C13orf42: variants seen among roughly 807,000 people sequenced by gnomAD.
The protein encoded by C13orf42 is chromosome 13 open reading frame 42.
At chr13:51,136,020 C>T (rs1953655016) in intron 1 of C13orf42, among the ~76,000 whole-genome samples, 1 of 152,170 alleles carries the variant, frequency 6.6e-6, no homozygotes, top group South Asian at 2.1e-4. Flanking sequence ...GTGACCTCCA[C>T]CCCTAGGGGC....
At chr13:51,109,000 C>G (rs1371396230) in intron 1 of C13orf42, among the ~76,000 whole-genome samples, 4 of 152,140 alleles carry the variant, frequency 2.6e-5, no homozygotes, top group African/African-American at 9.7e-5. Flanking sequence ...AATGTAGTAC[C>G]TAGAGGAAAT....
intron 1 of C13orf42, among the ~76,000 whole-genome samples, chr13:51,108,515 A>C (rs1381047893): frequency 6.6e-6 from 1 of 152,216 alleles, no homozygotes; most frequent in Non-Finnish European, 1.5e-5. Flanking sequence ...CAGGCCCAGC[A>C]TACAGCTGTT....
At chr13:51,132,389 C>T (rs569607633) in intron 1 of C13orf42, among the ~76,000 whole-genome samples, 20 of 151,308 alleles carry the variant, frequency 1.3e-4, no homozygotes, top group South Asian at 2.1e-4. Flanking sequence ...GCCAGGATCG[C>T]GCCACTGCAA....
chr13:51,084,652 G>C lies in C13orf42; in HGVS notation c.804-327C>G, dbSNP rs181097632. ...TTTAGTGGCTTTTGTAGAAGCAAAG[G>C]AAGACAGCTGATGAGGCTTGACAGG... On this transcript the variant is annotated intron_variant, in intron 3 of 3. Transcript: ENST00000563710. 3.6e-3 allele frequency among the ~76,000 whole-genome samples: 550 copies of C among 152,372 alleles called. 5 individuals are homozygous for C. The highest frequency in any genetic ancestry group is 0.017 in the East Asian group (89 of 5,182).
intron 1 of C13orf42, among the ~76,000 whole-genome samples, chr13:51,170,842 C>G (rs540937597): frequency 6.6e-6 from 1 of 151,972 alleles, no homozygotes; most frequent in Admixed American, 6.5e-5. Flanking sequence ...TGGCAAGTCC[C>G]GCTTTCCTGG....
At chr13:51,142,989 T>A (rs1025256036) in intron 1 of C13orf42, among the ~76,000 whole-genome samples, 1 of 152,186 alleles carries the variant, frequency 6.6e-6, no homozygotes, top group Non-Finnish European at 1.5e-5. Flanking sequence ...GTCATATTGT[T>A]ATTAAGTTTT....
intron 1 of C13orf42, among the ~76,000 whole-genome samples, chr13:51,129,600 T>C (rs1953600377): frequency 6.6e-6 from 1 of 152,206 alleles, no homozygotes; most frequent in African/African-American, 2.4e-5. Context: ...CCACAGACAA[T>C]GCTTTTCTCC....
At chr13:51,160,960 C>CAAG (rs1777775502) in intron 1 of C13orf42, among the ~76,000 whole-genome samples, 1 of 68,522 alleles carries the variant, frequency 1.5e-5, no homozygotes, top group Non-Finnish European at 3.3e-5. Context: ...AGATTGGAAA[C>CAAG]AAGAAAAAAA....
chr13:51,129,116 C>G (rs1953596539), intron 1 of C13orf42, among the ~76,000 whole-genome samples: 1 of 152,208 alleles, frequency 6.6e-6, no homozygotes, highest in Non-Finnish European at 1.5e-5. Flanking sequence ...TTACTCAAAG[C>G]TTCTGTTGTT....
At chr13:51,131,105 G>A (rs529803744) in intron 1 of C13orf42, among the ~76,000 whole-genome samples, 2 of 152,100 alleles carry the variant, frequency 1.3e-5, no homozygotes, top group African/African-American at 4.8e-5. Context: ...GCTTAAAACC[G>A]TGCTGATCCT....
At chr13:51,150,578 A>G (rs1470182314) in intron 1 of C13orf42, among the ~76,000 whole-genome samples, 1 of 152,186 alleles carries the variant, frequency 6.6e-6, no homozygotes, top group Non-Finnish European at 1.5e-5. Context: ...TTCTACAAAC[A>G]TTTTTCAAGA....
chr13:51,089,328 C>G (rs1050843525), intron 1 of C13orf42, among the ~76,000 whole-genome samples: 4 of 152,052 alleles, frequency 2.6e-5, no homozygotes, highest in African/African-American at 9.7e-5. Flanking sequence ...GTTGAAGGAC[C>G]ACAATATACA....
intron 1 of C13orf42, among the ~76,000 whole-genome samples, chr13:51,148,770 AG>A (rs1034374612): frequency 1.8e-4 from 27 of 152,204 alleles, no homozygotes; most frequent in Admixed American, 3.3e-4. Context: ...TGGCCTCAGG[AG>A]CCAGGGCTCT....
upstream of C13orf42, among the ~76,000 whole-genome samples, chr13:51,116,102 T>G (rs2138009563): frequency 6.6e-6 from 1 of 152,224 alleles, no homozygotes; most frequent in South Asian, 2.1e-4. Context: ...AAGCAAACAT[T>G]AGATCCTCTG....
upstream of C13orf42, among the ~76,000 whole-genome samples, chr13:51,116,121 A>G (rs1953489066): frequency 6.6e-6 from 1 of 152,206 alleles, no homozygotes. Context: ...TGAGGTTTAC[A>G]AGACTGAAAA....
At chr13:51,136,036 T>A (rs1302354589) in intron 1 of C13orf42, among the ~76,000 whole-genome samples, 1 of 152,060 alleles carries the variant, frequency 6.6e-6, no homozygotes, top group Non-Finnish European at 1.5e-5. Context: ...GGGGCCAAGG[T>A]CACGGGTGAG....
chr13:51,153,621 G>GTTTTTTTTTTTTTTTTTTTT lies in C13orf42; in HGVS notation n.136+18631_136+18632insAAAAAAAAAAAAAAAAAAAA, dbSNP rs1202370498. The stretch of plus-strand genomic sequence containing the variant: ...TTATCAACCCATTTTCTTGCTTTCT[G>GTTTTTTTTTTTTTTTTTTTT]TTTTTTTTCTTTTTTTTTTTTTTTT... On this transcript the variant is annotated intron_variant and non_coding_transcript_variant, in intron 1 of 4. Transcript: ENST00000433280. 4.0e-4 allele frequency among the ~76,000 whole-genome samples: 33 copies of GTTTTTTTTTTTTTTTTTTTT among 82,018 alleles called. 1 individual carries two copies. The highest frequency in any genetic ancestry group is 1.4e-3 in the East Asian group (4 of 2,940). 53.8% of individuals were successfully genotyped at this position (82,018 alleles called of 152,430 possible).
intron 1 of C13orf42, among the ~76,000 whole-genome samples, chr13:51,152,678 G>C (rs146759199): frequency 3.0e-4 from 46 of 152,226 alleles, no homozygotes; most frequent in East Asian, 9.7e-4. Flanking sequence ...TCTCCTGCTT[G>C]ATGACCTCAA....
At chr13:51,147,542 C>T (rs12585760) in intron 1 of C13orf42, among the ~76,000 whole-genome samples, 18,892 of 152,072 alleles carry the variant, frequency 0.12, 1,294 homozygotes, top group African/African-American at 0.16. Flanking sequence ...CGAGCCTGGC[C>T]AACATAGTGG....
Sources: allele counts gnomAD v4.1 joint callset (sites outside exome capture counted in the v4.1 genomes callset), GRCh38; gene constraint gnomAD v4.1.1; transcripts MANE v1.5; gene names NCBI Gene and HGNC (gene_info 2026-07-23, HGNC 2026-07-21).